ZNF652: variants seen among roughly 807,000 people sequenced by gnomAD.
The protein encoded by ZNF652 is zinc finger protein 652.
A neutral mutation model predicts 45.2 loss-of-function variants in ZNF652; 16 were observed. The observed-to-expected ratio is 0.35, with a 90% confidence interval of 0.24 to 0.54. The LOEUF is 0.54. ZNF652 is among the 20% of genes least tolerant of loss of function. The probability of loss-of-function intolerance (pLI) is 0.91; values close to 1 mark genes in which losing one functional copy is unlikely to be tolerated. For missense variants in ZNF652, 614 were observed against 765.6 expected, an observed-to-expected ratio of 0.80 and a Z score of 2.34; for synonymous variants, 250 against 260.6, an observed-to-expected ratio of 0.96 and a Z score of 0.39.
rs990319402 is a variant in ZNF652 at position 49,312,836 on chromosome 17, A to G, written c.910T>C (p.Cys304Arg). 2 of 1,613,906 alleles carry G rather than the reference A, an allele frequency of 1.2e-6. No homozygotes were observed. The highest frequency in any genetic ancestry group is 8.5e-7 in the Non-Finnish European group (1 of 1,179,886). ...DCEKNIQCVS[C>R]NKSFKKLWSL... Reference sequence around the variant, plus strand: ...CAGAGTTTCTTGAACGATTTGTTACAGGAAACACACTGAGCAGGATAAATA... The same window carrying G: ...CAGAGTTTCTTGAACGATTTGTTACGGGAAACACACTGAGCAGGATAAATA... The change falls in exon 3 of 6, where the codon TGT becomes CGT. Residue 304 changes from cysteine (C) to arginine (R), a missense_variant. This residue lies in a region of ZNF652 where 262 missense variants were observed against 306.3 expected (regional missense o/e 0.86). Transcript: ENST00000430262.
At chr17:49,351,193 C>CT (rs1375398271) in intron 1 of ZNF652, among the ~76,000 whole-genome samples, 1 of 151,526 alleles carries the variant, frequency 6.6e-6, no homozygotes, top group East Asian at 1.9e-4. Flanking sequence ...TGTAAGTATG[C>CT]TTTATGGCAC....
chr17:49,361,773 C>G (rs915142339), intron 1 of ZNF652, 136 bp downstream of exon 1: 1 of 151,920 alleles, frequency 6.6e-6, no homozygotes, highest in Non-Finnish European at 1.5e-5. Context: ...TCCGGCCTAG[C>G]GCACGCAGCT....
intron 1 of ZNF652, among the ~76,000 whole-genome samples, chr17:49,347,893 C>T (rs1193187817): frequency 6.6e-6 from 1 of 151,810 alleles, no homozygotes; most frequent in Non-Finnish European, 1.5e-5. Flanking sequence ...TAGAGGTGTG[C>T]ACCACCACAC....
chr17:49,352,126 T>G (rs1409552226), intron 1 of ZNF652, among the ~76,000 whole-genome samples: 1 of 152,234 alleles, frequency 6.6e-6, no homozygotes, highest in Non-Finnish European at 1.5e-5. Context: ...CAATACTGTT[T>G]AACTCCAATG....
In ZNF652 at chr17:49,298,279, ATT is replaced by A; in HGVS notation, c.*132_*133del. The A allele has an allele frequency of 9.0e-7, 1 of 1,107,036 alleles. No individual in the cohort carries two copies. Among genetic ancestry groups the A allele is most frequent in the East Asian group, 2.6e-5 (1 of 38,980 alleles). 68.6% of individuals were successfully genotyped at this position (1,107,036 alleles called of 1,614,324 possible). ...CTTGTTCATTCCCTTGGATCTGTTG[ATT>A]CAGTGACACTGGCGAAGCTCTTGGT... is the stretch of plus-strand genomic sequence containing the variant. On this transcript the variant is annotated 3_prime_UTR_variant, in exon 6 of 6. Coordinates refer to ENST00000430262, the MANE Select transcript of ZNF652 (RefSeq NM_001145365.3).
chr17:49,315,042 G>GT (rs11342868), intron 2 of ZNF652, among the ~76,000 whole-genome samples: 3,234 of 134,154 alleles, frequency 0.024, 110 homozygotes, highest in East Asian at 0.077. Flanking sequence ...GTTTTAGTTT[G>GT]TTTTTTTTTT....
chr17:49,300,827 T>C (rs2906096), intron 5 of ZNF652, among the ~76,000 whole-genome samples: 32,918 of 152,150 alleles, frequency 0.22, 3,740 homozygotes, highest in South Asian at 0.32. Context: ...TTAACCTTGG[T>C]GATCTTCACA....
chr17:49,311,270 G>C (rs760304145), intron 5 of ZNF652, 42 bp downstream of exon 5: 1 of 1,592,110 alleles, frequency 6.3e-7, no homozygotes, highest in Non-Finnish European at 8.6e-7. Context: ...TCATCAACAA[G>C]TGCTTGAGAC....
In ZNF652 at chr17:49,297,294, A is replaced by T. The variant is rs1241066082; in HGVS notation, c.*1119T>A. Reference sequence around the variant, plus strand: ...CAATTTGTCATCCCATAAAAGTTAAACATCAACACAATTCCTAAGGGAAGT... The same window carrying T: ...CAATTTGTCATCCCATAAAAGTTAATCATCAACACAATTCCTAAGGGAAGT... On this transcript the variant is annotated 3_prime_UTR_variant, in exon 6 of 6. Transcript: ENST00000430262. 6.6e-6 allele frequency: 1 copy of T among 152,616 alleles called. No homozygotes were observed. Among genetic ancestry groups the T allele is most frequent in the Non-Finnish European group, 1.5e-5 (1 of 68,030 alleles). 9.5% of individuals were successfully genotyped at this position (152,616 alleles called of 1,614,324 possible).
chr17:49,357,706 C>T (rs1188179702), intron 1 of ZNF652, among the ~76,000 whole-genome samples: 1 of 152,196 alleles, frequency 6.6e-6, no homozygotes, highest in Non-Finnish European at 1.5e-5. Flanking sequence ...ACTCTGGACA[C>T]AGAACCCATT....
chr17:49,353,309 G>A (rs1001036866), intron 1 of ZNF652, among the ~76,000 whole-genome samples: 1 of 151,926 alleles, frequency 6.6e-6, no homozygotes, highest in African/African-American at 2.4e-5. Flanking sequence ...AGCCTCCTGA[G>A]TAGCTGGGAC....
At chr17:49,325,196 G>A (rs908013633) in intron 1 of ZNF652, among the ~76,000 whole-genome samples, 8 of 152,142 alleles carry the variant, frequency 5.3e-5, no homozygotes, top group Non-Finnish European at 1.0e-4. Flanking sequence ...TTTAAAATTA[G>A]AGAGGGGTGA....
chr17:49,311,852 C>T (rs2143768713), intron 4 of ZNF652, 75 bp downstream of exon 4: 3 of 1,268,750 alleles, frequency 2.4e-6, no homozygotes, highest in African/African-American at 1.5e-5. Flanking sequence ...CTCCAGCACA[C>T]CTCTCTCTCA....
chr17:49,291,940 A>G lies in ZNF652; in HGVS notation c.*6473T>C, dbSNP rs4794037. Among the ~76,000 whole-genome samples, 35,622 of 152,104 alleles carry G rather than the reference A, an allele frequency of 0.23. 4,302 individuals carry two copies. The highest frequency in any genetic ancestry group is 0.32 in the South Asian group (1,542 of 4,826). ...AAAAATCTTGAATTTATTCATCATC[A>G]AACATAACCAATTCTCACAATTTTG... On this transcript the variant is annotated 3_prime_UTR_variant, in exon 6 of 6. Coordinates refer to ENST00000430262, the MANE Select transcript of ZNF652 (RefSeq NM_001145365.3).
chr17:49,361,919 C>T lies in ZNF652; in HGVS notation c.-269G>A, dbSNP rs1379739373. On this transcript the variant is annotated 5_prime_UTR_variant, in exon 1 of 6. Coordinates refer to ENST00000430262, the MANE Select transcript of ZNF652 (RefSeq NM_001145365.3). ...GGGGCCCTTACTCACCCGGGCCGGC[C>T]GCCTCCGCCTCCGCCGCCCCGGCCG... 1.3e-5 allele frequency: 2 copies of T among 150,478 alleles called. No individual in the cohort carries two copies. Among genetic ancestry groups the T allele is most frequent in the African/African-American group, 4.9e-5 (2 of 41,194 alleles). 9.3% of individuals were successfully genotyped at this position (150,478 alleles called of 1,614,324 possible).
intron 1 of ZNF652, among the ~76,000 whole-genome samples, chr17:49,331,785 T>G (rs1355847198): frequency 6.6e-6 from 1 of 152,166 alleles, no homozygotes; most frequent in African/African-American, 2.4e-5. Context: ...ACAAAAATTT[T>G]TTGACACTTC....
At chr17:49,336,009 T>G (rs1001450804) in intron 1 of ZNF652, among the ~76,000 whole-genome samples, 2 of 151,704 alleles carry the variant, frequency 1.3e-5, no homozygotes, top group Non-Finnish European at 2.9e-5. Context: ...ACCTGTCATA[T>G]CTATTGTTAC....
rs916369033 is a variant in ZNF652 at position 49,320,628 on chromosome 17, C to T, written c.-258-2645G>A. ...GGAAAATCCTAGCAACCTTATTCTACTTGTGCCAAAACTTCTAACCCATGG... is the reference window on the plus strand; with the variant it reads ...GGAAAATCCTAGCAACCTTATTCTATTTGTGCCAAAACTTCTAACCCATGG... On this transcript the variant is annotated intron_variant, in intron 1 of 5. Transcript: ENST00000430262. 2.6e-5 allele frequency among the ~76,000 whole-genome samples: 4 copies of T among 152,210 alleles called. No individual in the cohort carries two copies. The South Asian group carries it at 8.3e-4, about 32-fold the overall frequency.
At chr17:49,304,655 CCTAA>C (rs750520947) in intron 5 of ZNF652, among the ~76,000 whole-genome samples, 9 of 152,012 alleles carry the variant, frequency 5.9e-5, no homozygotes, top group African/African-American at 1.2e-4. Context: ...AACTATATCA[CCTAA>C]CTGTTACATG....
Sources: gnomAD v4.1 joint callset for allele counts (sites outside exome capture counted in the v4.1 genomes callset) on GRCh38, gnomAD v4.1.1 for gene constraint, gnomAD v4.1.1 regional missense constraint, MANE v1.5 for transcripts, NCBI Gene and HGNC (gene_info 2026-07-23, HGNC 2026-07-21) for gene names.